Variants in EML6 observed in about 807,000 individuals in gnomAD.
EML6 encodes the protein EMAP like 6.
Under a neutral mutation model 240.1 loss-of-function variants are expected in EML6, and 154 were observed. That is an observed-to-expected ratio of 0.64 (90% CI 0.56 to 0.73). The LOEUF (loss-of-function observed/expected upper bound fraction) is 0.73, where lower values mean the gene tolerates loss of function less well. EML6 is among the 30% of genes least tolerant of loss of function. The probability of loss-of-function intolerance (pLI) is 0.00; values close to 1 mark genes in which losing one functional copy is unlikely to be tolerated. For synonymous variants in EML6, 1,148 were observed against 899.0 expected (o/e 1.28, Z -4.95); for missense variants, 2,964 against 2,474.6 (o/e 1.20, Z -4.20).
intron 17 of EML6, chr2:54,882,873 A>AAAAAAAAAAAAAAAAAAAAAAAAGAG (rs796515025): frequency 1.8e-5 from 2 of 112,356 alleles, no homozygotes; most frequent in African/African-American, 7.0e-5. Flanking sequence ...AAAAAAAAAA[A>AAAAAAAAAAAAAAAAAAAAAAAAGAG]AGAAAGCTTA....
chr2:54,747,285 G>A (rs1235055526), intron 2 of EML6: 1 of 152,130 alleles, frequency 6.6e-6, no homozygotes, highest in East Asian at 1.9e-4. Flanking sequence ...GAGAGTCCAA[G>A]GGCTTCATGT....
chr2:54,831,466 C>T (rs1668865183), intron 7 of EML6, among the ~76,000 whole-genome samples: 1 of 152,072 alleles, frequency 6.6e-6, no homozygotes, highest in South Asian at 2.1e-4. Flanking sequence ...ATCACATCAG[C>T]CCCACAGCCA....
chr2:54,733,477 G>C (rs1200906942), intron 2 of EML6, among the ~76,000 whole-genome samples: 1 of 152,180 alleles, frequency 6.6e-6, no homozygotes, highest in Admixed American at 6.5e-5. Context: ...ATTACAGGGA[G>C]TGTGGCTGGT....
At chr2:54,768,603 A>G (rs1668284212) in intron 2 of EML6, among the ~76,000 whole-genome samples, 1 of 152,178 alleles carries the variant, frequency 6.6e-6, no homozygotes, top group Admixed American at 6.5e-5. Flanking sequence ...GTTGGTGACA[A>G]GCAACATGGT....
At chr2:54,965,467 A>C (rs1211284819) in intron 38 of EML6, among the ~76,000 whole-genome samples, 1 of 152,176 alleles carries the variant, frequency 6.6e-6, no homozygotes, top group Non-Finnish European at 1.5e-5. Flanking sequence ...GGGGAATTGC[A>C]ATAGAGAAAG....
intron 32 of EML6, among the ~76,000 whole-genome samples, chr2:54,956,784 G>C (rs1197867948): frequency 1.3e-5 from 2 of 152,084 alleles, no homozygotes; most frequent in African/African-American, 4.8e-5. Flanking sequence ...GAAAAAAATA[G>C]GTGTGTGAAT....
At chr2:54,761,897 A>G (rs961906021) in intron 2 of EML6, among the ~76,000 whole-genome samples, 4 of 151,906 alleles carry the variant, frequency 2.6e-5, no homozygotes, top group African/African-American at 9.7e-5. Context: ...TGAATGCATC[A>G]TTCCCTTTTA....
intron 32 of EML6, among the ~76,000 whole-genome samples, chr2:54,955,917 A>C (rs1031311364): frequency 6.6e-6 from 1 of 152,210 alleles, no homozygotes; most frequent in Non-Finnish European, 1.5e-5. Context: ...AGTCTTACTT[A>C]CAGATAAATA....
At chr2:54,842,211 C>A (rs995491108) in intron 7 of EML6, among the ~76,000 whole-genome samples, 12 of 152,176 alleles carry the variant, frequency 7.9e-5, no homozygotes, top group African/African-American at 2.9e-4. Flanking sequence ...CCTAAAAATC[C>A]TCCATACTCT....
intron 17 of EML6, chr2:54,881,035 T>C (rs1573057373): frequency 6.6e-6 from 1 of 152,196 alleles, no homozygotes; most frequent in South Asian, 2.1e-4. Flanking sequence ...CAAAGTTGAC[T>C]TAACACCATT....
At chr2:54,918,435 A>G (rs1189666021) in intron 26 of EML6, among the ~76,000 whole-genome samples, 1 of 152,078 alleles carries the variant, frequency 6.6e-6, no homozygotes, top group Non-Finnish European at 1.5e-5. Context: ...TGCAGCCTCT[A>G]CCTTCTAGAC....
rs543841497 is a variant in EML6 at position 54,858,775 on chromosome 2, G to A, written c.1658-759G>A. Among the ~76,000 whole-genome samples the A allele has an allele frequency of 9.2e-5, 14 of 152,284 alleles. No homozygotes were observed. In the South Asian group the frequency reaches 2.9e-3, roughly 32 times the overall value. ...CAGTGGACATTTGAAATTTAAACATGTGATAGTTGAACAGATGGCCTCCCC... is the reference window on the plus strand; with the variant it reads ...CAGTGGACATTTGAAATTTAAACATATGATAGTTGAACAGATGGCCTCCCC... On this transcript the variant is annotated intron_variant, in intron 11 of 41. Coordinates refer to ENST00000356458, the MANE Select transcript of EML6 (RefSeq NM_001039753.4).
chr2:54,767,885 G>T (rs114518155), intron 2 of EML6, among the ~76,000 whole-genome samples: 7,237 of 152,160 alleles, frequency 0.048, 399 homozygotes, highest in East Asian at 0.31. Context: ...GCCTCCCAAA[G>T]TGCTGGGGTT....
intron 32 of EML6, among the ~76,000 whole-genome samples, chr2:54,956,385 C>T (rs1454815522): frequency 7.7e-6 from 1 of 130,262 alleles, no homozygotes; most frequent in Non-Finnish European, 1.8e-5. Context: ...AATCCTTTTA[C>T]TACTTGGAGT....
At chr2:54,805,298 T>C (rs1164095982) in intron 2 of EML6, among the ~76,000 whole-genome samples, 1 of 152,228 alleles carries the variant, frequency 6.6e-6, no homozygotes, top group Non-Finnish European at 1.5e-5. Context: ...ACATTTCCTT[T>C]TGGTTTCCCT....
intron 2 of EML6, among the ~76,000 whole-genome samples, chr2:54,748,120 A>G (rs2103687751): frequency 6.6e-6 from 1 of 152,338 alleles, no homozygotes; most frequent in South Asian, 2.1e-4. Context: ...GCAAGACACC[A>G]AAAAGAAATT....
chr2:54,836,999 C>T (rs1482970227), intron 7 of EML6, among the ~76,000 whole-genome samples: 2 of 152,310 alleles, frequency 1.3e-5, no homozygotes, highest in Non-Finnish European at 2.9e-5. Context: ...TGAGGGGCTG[C>T]AAGGGCGGGG....
At chr2:54,868,281 C>G (rs578045867) in intron 14 of EML6, 1 of 151,716 alleles carries the variant, frequency 6.6e-6, no homozygotes, top group African/African-American at 2.4e-5. Flanking sequence ...TTAGTAAAGT[C>G]GACTAAATCA....
rs775001573 is a variant in EML6 at position 54,847,539 on chromosome 2, C to T, written c.1103C>T (p.Ala368Val). The part of the protein sequence containing the change: ...ALIARCNMEE[A>V]VRSVAFSPDG... The stretch of plus-strand genomic sequence containing the variant: ...ATCGCCCGCTGTAACATGGAAGAGG[C>T]GGTTCGCAGTGTAGCTTTCAGCCCC... The change falls in exon 9 of 42, where the codon GCG becomes GTG. Residue 368 changes from alanine to valine, a missense_variant. By Grantham distance (64) the Ala-to-Val change is moderately conservative. Transcript: ENST00000356458. The T allele has an allele frequency of 1.2e-5, 18 of 1,551,964 alleles. No individual in the cohort carries two copies. Among genetic ancestry groups the T allele is most frequent in the South Asian group, 1.2e-5 (1 of 84,064 alleles).
Sources: allele counts gnomAD v4.1 joint callset (sites outside exome capture counted in the v4.1 genomes callset), GRCh38; gene constraint gnomAD v4.1.1; transcripts MANE v1.5; gene names NCBI Gene and HGNC (gene_info 2026-07-23, HGNC 2026-07-21).